The following HRH1 variants were observed in gnomAD, a reference collection of about 807,000 sequenced individuals.
HRH1 encodes the protein histamine receptor H1, also known as histamine H1 receptor.
HRH1 carries 6 observed loss-of-function variants against 10.3 expected under a neutral mutation model. That is an observed-to-expected ratio of 0.58 (90% CI 0.32 to 1.15). The LOEUF is 1.15. HRH1 is among the 50% of genes most tolerant of loss of function. The pLI, the probability that HRH1 is intolerant of heterozygous loss-of-function variation, is 0.05. For missense variants in HRH1, 514 were observed against 615.3 expected (o/e 0.84, Z 1.74); for synonymous variants, 242 against 236.7 (o/e 1.02, Z -0.21).
At chr3:11,214,215 C>A (rs925729107) in intron 1 of HRH1, among the ~76,000 whole-genome samples, 7 of 152,058 alleles carry the variant, frequency 4.6e-5, no homozygotes, top group Non-Finnish European at 1.0e-4. Context: ...AGAGGCTGGT[C>A]GGTGCTTTCC....
intron 1 of HRH1, among the ~76,000 whole-genome samples, chr3:11,209,063 C>T (rs1241065217): frequency 6.6e-6 from 1 of 152,268 alleles, no homozygotes; most frequent in African/African-American, 2.4e-5. Context: ...TCAAGAAATA[C>T]TTATTAACAG....
At chr3:11,219,495 C>T (rs1020969228) in intron 1 of HRH1, among the ~76,000 whole-genome samples, 5 of 151,814 alleles carry the variant, frequency 3.3e-5, no homozygotes, top group Admixed American at 1.3e-4. Flanking sequence ...GGGCGGAGCA[C>T]GAGGTCAGGA....
chr3:11,262,693 A>G lies in HRH1; in HGVS notation c.*2192A>G, dbSNP rs200832271. The G allele has an allele frequency of 6.0e-6, 1 of 167,074 alleles. No individual in the cohort carries two copies. 10.3% of individuals were successfully genotyped at this position (167,074 alleles called of 1,614,324 possible). On this transcript the variant is annotated 3_prime_UTR_variant, in exon 2 of 2. Transcript: ENST00000431010. ...AAGTGTCCATTATTTACCTTGAACA[A>G]TCAAGGCAACTAGTGGAGAGAACTG...
chr3:11,231,550 T>C lies in HRH1; in HGVS notation c.-35-27453T>C, dbSNP rs538475310. On this transcript the variant is annotated intron_variant, in intron 1 of 1. Transcript: ENST00000431010. ...CCATTCTGATGGCTGTGCAGTGATA[T>C]CTCGTTGTGGTTTTGACTTGCACTT... 5.9e-5 allele frequency among the ~76,000 whole-genome samples: 9 copies of C among 152,356 alleles called. No homozygotes were observed. In the South Asian group the frequency reaches 1.7e-3, roughly 28 times the overall value.
chr3:11,208,629 C>G (rs1182905507), intron 1 of HRH1, among the ~76,000 whole-genome samples: 2 of 152,190 alleles, frequency 1.3e-5, no homozygotes, highest in African/African-American at 4.8e-5. Flanking sequence ...CCCATACATA[C>G]GATGTTACAG....
chr3:11,244,237 G>C (rs1231466704), intron 1 of HRH1, among the ~76,000 whole-genome samples: 3 of 152,184 alleles, frequency 2.0e-5, no homozygotes, highest in Admixed American at 1.3e-4. Flanking sequence ...CCAAAGAAAA[G>C]TACACACCTT....
intron 1 of HRH1, among the ~76,000 whole-genome samples, chr3:11,247,935 G>A (rs1044061973): frequency 2.0e-5 from 3 of 152,140 alleles, no homozygotes; most frequent in African/African-American, 7.2e-5. Context: ...CGATTATAAG[G>A]GAGGTGAATA....
intron 1 of HRH1, among the ~76,000 whole-genome samples, chr3:11,186,193 C>A (rs988381619): frequency 2.6e-5 from 4 of 152,158 alleles, no homozygotes; most frequent in Non-Finnish European, 4.4e-5. Flanking sequence ...TTCTAGGGAC[C>A]TACCTGTAGG....
At chr3:11,247,680 T>A (rs1316581448) in intron 1 of HRH1, among the ~76,000 whole-genome samples, 1 of 150,828 alleles carries the variant, frequency 6.6e-6, no homozygotes, top group Non-Finnish European at 1.5e-5. Flanking sequence ...ACTAAAGCTT[T>A]TCGAAGAAGA....
At chr3:11,144,811 C>G (rs564602732) in intron 1 of HRH1, among the ~76,000 whole-genome samples, 5 of 152,070 alleles carry the variant, frequency 3.3e-5, no homozygotes, top group African/African-American at 1.2e-4. Context: ...GCAGAGGTTG[C>G]AGTGAGCCGA....
chr3:11,199,066 G>C (rs1305749233), intron 1 of HRH1, among the ~76,000 whole-genome samples: 2 of 151,988 alleles, frequency 1.3e-5, no homozygotes, highest in Non-Finnish European at 2.9e-5. Context: ...TAGAATTACA[G>C]GTGCATTCCA....
chr3:11,184,288 T>G (rs1192979068), intron 1 of HRH1, among the ~76,000 whole-genome samples: 1 of 152,186 alleles, frequency 6.6e-6, no homozygotes, highest in Non-Finnish European at 1.5e-5. Flanking sequence ...AGGCAGATGC[T>G]ATTATTATCC....
chr3:11,259,712 G>C lies in HRH1; in HGVS notation c.675G>C (p.Glu225Asp). The C allele has an allele frequency of 6.2e-7, 1 of 1,614,044 alleles. No homozygotes were observed. The highest frequency in any genetic ancestry group is 8.5e-7 in the Non-Finnish European group (1 of 1,179,982). ...KAVRQHCQHR[E>D]LINRSLPSFS... is the part of the protein sequence containing the mutation. ...TACGACAACACTGCCAGCACCGGGA[G>C]CTCATCAATAGGTCCCTCCCTTCCT... is the stretch of plus-strand genomic sequence containing the variant. The change falls in exon 2 of 2, where the codon GAG becomes GAC. Residue 225 changes from glutamate to aspartate, a missense_variant. By Grantham distance (45) the Glu-to-Asp change is conservative. Transcript: ENST00000431010. This position sits in a 1 kb window ranked among gnomAD's most constrained non-coding sequence, Gnocchi z 4.6.
At chr3:11,174,616 A>G (rs892606187) in intron 1 of HRH1, among the ~76,000 whole-genome samples, 12 of 152,214 alleles carry the variant, frequency 7.9e-5, no homozygotes, top group Non-Finnish European at 1.5e-5. Context: ...ACAAATTCCC[A>G]ATCTCCACTC....
At chr3:11,250,659 T>G (rs879579838) in intron 1 of HRH1, among the ~76,000 whole-genome samples, 4 of 152,144 alleles carry the variant, frequency 2.6e-5, no homozygotes, top group African/African-American at 9.7e-5. Context: ...AAGAAACTGA[T>G]CTTTTGTTTC....
At chr3:11,180,737 A>G (rs978886679) in intron 1 of HRH1, among the ~76,000 whole-genome samples, 6 of 145,508 alleles carry the variant, frequency 4.1e-5, no homozygotes, top group Non-Finnish European at 6.1e-5. Context: ...TTTGTCACTT[A>G]GCATAATGTT....
intron 1 of HRH1, among the ~76,000 whole-genome samples, chr3:11,218,812 G>A (rs1343080105): frequency 6.6e-6 from 1 of 152,146 alleles, no homozygotes; most frequent in Non-Finnish European, 1.5e-5. Flanking sequence ...CTGACCTCAG[G>A]TGATCTGCCC....
upstream of HRH1, among the ~76,000 whole-genome samples, chr3:11,149,683 T>C (rs576954416): frequency 6.6e-5 from 10 of 152,318 alleles, no homozygotes; most frequent in Non-Finnish European, 1.5e-4. Context: ...GCAGAGAAGC[T>C]GAGCAGAACT....
At chr3:11,150,239 G>A (rs1260687774), upstream of HRH1, among the ~76,000 whole-genome samples, 2 of 152,196 alleles carry the variant, frequency 1.3e-5, no homozygotes, top group Non-Finnish European at 2.9e-5. Flanking sequence ...GCTGAAATAG[G>A]GCCAAGTTGA....
Sources: allele counts gnomAD v4.1 joint callset (sites outside exome capture counted in the v4.1 genomes callset), GRCh38; gene constraint gnomAD v4.1.1; non-coding constraint Gnocchi (gnomAD v3.1); transcripts MANE v1.5; gene names NCBI Gene and HGNC (gene_info 2026-07-23, HGNC 2026-07-21).